Variants in NECTIN3 observed in about 807,000 individuals in gnomAD.
NECTIN3 encodes the protein nectin-3.
In NECTIN3, 8 loss-of-function variants were observed where a neutral mutation model predicts 49.4. That is an observed-to-expected ratio of 0.16 (90% CI 0.10 to 0.29). The LOEUF (loss-of-function observed/expected upper bound fraction) is 0.29, where lower values mean the gene tolerates loss of function less well. NECTIN3 is among the 10% of genes least tolerant of loss of function. The probability of loss-of-function intolerance (pLI) is 1.00; values close to 1 mark genes in which losing one functional copy is unlikely to be tolerated. For synonymous variants in NECTIN3, 277 were observed against 241.1 expected (o/e 1.15, Z -1.38); for missense variants, 581 against 654.6 (o/e 0.89, Z 1.23).
At chr3:111,167,143 A>G (rs974008078) in intron 7 of NECTIN3, among the ~76,000 whole-genome samples, 4 of 152,246 alleles carry the variant, frequency 2.6e-5, no homozygotes, top group Non-Finnish European at 5.9e-5. Flanking sequence ...GTAAAATTGA[A>G]CATCAATTAG....
At position 111,134,088 on chromosome 3, in the gene NECTIN3, T is replaced by C; in HGVS notation, c.1523T>C (p.Met508Thr). ...VENLNRFERP[M>T]DYYEDLKMGM... Reference sequence around the variant, plus strand: ...AATCTCAATAGGTTTGAAAGACCAATGGATTATTATGAAGATCTAAAAATG... The same window carrying C: ...AATCTCAATAGGTTTGAAAGACCAACGGATTATTATGAAGATCTAAAAATG... The change falls in exon 6 of 6, where the codon ATG becomes ACG. Residue 508 changes from methionine to threonine, a missense_variant. Met to Thr is a moderately conservative substitution (Grantham distance 81). Transcript: ENST00000485303. 1.2e-6 allele frequency: 2 copies of C among 1,613,580 alleles called. No homozygotes were observed. Among genetic ancestry groups the C allele is most frequent in the South Asian group, 2.2e-5 (2 of 91,054 alleles).
intron 3 of NECTIN3, among the ~76,000 whole-genome samples, chr3:111,121,179 T>A (rs1280405282): frequency 6.6e-6 from 1 of 150,614 alleles, no homozygotes; most frequent in East Asian, 2.0e-4. Context: ...ATTTTTTTTT[T>A]TTTTTTGTAT....
At chr3:111,114,683 T>A (rs756780075) in intron 2 of NECTIN3, among the ~76,000 whole-genome samples, 4 of 152,088 alleles carry the variant, frequency 2.6e-5, no homozygotes, top group Non-Finnish European at 5.9e-5. Flanking sequence ...TGAAAGAATA[T>A]GAAAATGGTA....
chr3:111,071,919 G>A lies in NECTIN3; in HGVS notation c.-99G>A, dbSNP rs2030757338. On this transcript the variant is annotated 5_prime_UTR_variant, in exon 1 of 6. Coordinates refer to ENST00000485303, the MANE Select transcript of NECTIN3 (RefSeq NM_015480.3). ...CGCTAGAGCTGGGAGCTGGGGACGC[G>A]CGCGCCGGACCTTCCACAGCCTCCG... is the stretch of plus-strand genomic sequence containing the variant. 1.3e-6 allele frequency: 1 copy of A among 793,098 alleles called. No homozygotes were observed. The allele number at this position is 793,098 out of a possible 1,614,324, so 49.1% of individuals were successfully genotyped here. A position where few individuals can be genotyped will look rare whatever the true frequency, so the allele number is the denominator to read the frequency against.
intron 7 of NECTIN3, among the ~76,000 whole-genome samples, chr3:111,167,827 T>A (rs1264728419): frequency 6.6e-6 from 1 of 152,162 alleles, no homozygotes; most frequent in Non-Finnish European, 1.5e-5. Flanking sequence ...AAATCCCCCT[T>A]TTCACAACAA....
intron 7 of NECTIN3, among the ~76,000 whole-genome samples, chr3:111,151,558 T>G (rs1025083246): frequency 2.0e-5 from 3 of 151,918 alleles, no homozygotes; most frequent in East Asian, 3.8e-4. Flanking sequence ...CTGTTTTTTC[T>G]GCAGTGCCTT....
At chr3:111,084,337 T>C (rs1289209759) in intron 1 of NECTIN3, among the ~76,000 whole-genome samples, 3 of 152,120 alleles carry the variant, frequency 2.0e-5, no homozygotes, top group Non-Finnish European at 4.4e-5. Context: ...GATTCAGTAT[T>C]GAAGGCATGA....
chr3:111,137,640 T>C (rs954217732), downstream of NECTIN3: 8 of 276,122 alleles, frequency 2.9e-5, no homozygotes, highest in Non-Finnish European at 4.4e-5. Flanking sequence ...TGTGCGTGTG[T>C]AACCTAGTTT....
intron 1 of NECTIN3, among the ~76,000 whole-genome samples, chr3:111,103,063 G>C (rs941817644): frequency 1.3e-5 from 2 of 152,096 alleles, no homozygotes; most frequent in Non-Finnish European, 2.9e-5. Context: ...TTTATGTTAA[G>C]TCTTGAAGTC....
downstream of NECTIN3, among the ~76,000 whole-genome samples, chr3:111,138,447 T>C (rs77982372): frequency 6.6e-6 from 1 of 151,518 alleles, no homozygotes; most frequent in Non-Finnish European, 1.5e-5. Flanking sequence ...TCTGTTATAG[T>C]CCAGTCATCT....
At chr3:111,119,006 C>A in intron 3 of NECTIN3, 54 bp downstream of exon 3, 6 of 1,412,228 alleles carry the variant, frequency 4.2e-6, no homozygotes, top group South Asian at 1.4e-5. Flanking sequence ...GTTTATCAAA[C>A]TATTTTTAGT....
intron 7 of NECTIN3, among the ~76,000 whole-genome samples, chr3:111,180,887 C>T (rs1171053000): frequency 6.6e-6 from 1 of 152,168 alleles, no homozygotes; most frequent in Non-Finnish European, 1.5e-5. Context: ...AATCTCCCTA[C>T]CCATGTTTCT....
intron 2 of NECTIN3, among the ~76,000 whole-genome samples, chr3:111,112,855 A>G (rs1174446137): frequency 6.6e-6 from 1 of 152,194 alleles, no homozygotes; most frequent in Non-Finnish European, 1.5e-5. Context: ...TTTGCTCATA[A>G]TAGTGATATT....
intron 1 of NECTIN3, among the ~76,000 whole-genome samples, chr3:111,108,258 C>T (rs1164015724): frequency 2.1e-5 from 3 of 141,236 alleles, no homozygotes; most frequent in African/African-American, 8.2e-5. Context: ...CAACTTTGTT[C>T]ATTAGGGGTA....
chr3:111,130,252 A>C (rs1001645634), intron 5 of NECTIN3, among the ~76,000 whole-genome samples: 5 of 143,084 alleles, frequency 3.5e-5, no homozygotes, highest in African/African-American at 1.5e-4. Context: ...CACCGCACCT[A>C]GCCGAGAATG....
rs760373641 is a variant in NECTIN3, at chr3:111,133,805, C to G, written c.1240C>G (p.Leu414Val). Residue 414 changes from leucine (L) to valine (V), a missense_variant, in exon 6 of 6, where the codon CTC (leucine) becomes GTC (valine). By Grantham distance (32) the Leu-to-Val change is conservative. This residue lies in a region of NECTIN3 where 238 missense variants were observed against 244.9 expected (regional missense o/e 0.97). Coordinates refer to ENST00000485303, the MANE Select transcript of NECTIN3 (RefSeq NM_015480.3). The part of the protein sequence containing the change: ...TIIASVVGGA[L>V]FIVLVSVLAG... ...CATTGCTAGTGTAGTGGGTGGGGCT[C>G]TCTTCATAGTACTTGTAAGTGTTTT... 11 of 1,613,814 alleles carry G rather than the reference C, an allele frequency of 6.8e-6. No individual in the cohort carries two copies. Among genetic ancestry groups the G allele is most frequent in the Admixed American group, 1.7e-5 (1 of 59,980 alleles).
At chr3:111,192,299 A>G, upstream of NECTIN3, 2 of 1,435,166 alleles carry the variant, frequency 1.4e-6, no homozygotes, top group Non-Finnish European at 1.9e-6. Context: ...TTAGTGGTTG[A>G]TATGTTTTGC....
At chr3:111,118,451 T>A (rs912509974) in intron 2 of NECTIN3, among the ~76,000 whole-genome samples, 18 of 151,566 alleles carry the variant, frequency 1.2e-4, no homozygotes, top group Non-Finnish European at 1.9e-4. Flanking sequence ...GTAGTGGTGG[T>A]ATGAATTCCT....
At chr3:111,179,824 C>T (rs72937968) in intron 7 of NECTIN3, among the ~76,000 whole-genome samples, 11,422 of 150,366 alleles carry the variant, frequency 0.076, 694 homozygotes, top group African/African-American at 0.17. Context: ...ACCTGGGAGA[C>T]AGCTTGCAGT....
Sources: allele counts gnomAD v4.1 joint callset (sites outside exome capture counted in the v4.1 genomes callset), GRCh38; gene constraint gnomAD v4.1.1; regional missense constraint gnomAD v4.1.1; transcripts MANE v1.5; gene names NCBI Gene and HGNC (gene_info 2026-07-23, HGNC 2026-07-21).